The following CTIF variants were observed in gnomAD, a reference collection of about 807,000 sequenced individuals.
The protein encoded by CTIF is CBP80/20-dependent translation initiation factor.
A neutral mutation model predicts 66.0 loss-of-function variants in CTIF; 21 were observed. The ratio of observed to expected loss-of-function variants is 0.32; its 90% CI spans 0.23 to 0.46. The LOEUF is 0.46. Ranked by LOEUF, CTIF falls within the 20% of genes least tolerant of loss-of-function variation. The pLI, the probability that CTIF is intolerant of heterozygous loss-of-function variation, is 1.00. For synonymous variants in CTIF, 345 were observed against 326.4 expected (o/e 1.06, Z -0.62); for missense variants, 739 against 812.7 (o/e 0.91, Z 1.10).
At chr18:48,789,171 G>T (rs908591498) in intron 9 of CTIF, among the ~76,000 whole-genome samples, 2 of 152,136 alleles carry the variant, frequency 1.3e-5, no homozygotes, top group African/African-American at 2.4e-5. Flanking sequence ...TCACAGAGAA[G>T]CCTCAAATCA....
rs1187584448 is a variant in CTIF, at chr18:48,539,096, C to A, written c.-245C>A. The A allele has an allele frequency of 1.5e-5, 2 of 135,904 alleles. No homozygotes were observed. The highest frequency in any genetic ancestry group is 3.2e-5 in the Non-Finnish European group (2 of 62,966). 8.4% of individuals were successfully genotyped at this position (135,904 alleles called of 1,614,324 possible). A position where few individuals can be genotyped will look rare whatever the true frequency, so the allele number is the denominator to read the frequency against. Reference sequence around the variant, plus strand: ...ATTTTTTTTCCTTCCTCTACTCCCTCCCCCCTACCCGCCCCTCCCTCCCTG... The same window carrying A: ...ATTTTTTTTCCTTCCTCTACTCCCTACCCCCTACCCGCCCCTCCCTCCCTG... On this transcript the variant is annotated 5_prime_UTR_variant, in exon 1 of 12. Coordinates refer to ENST00000256413, the MANE Select transcript of CTIF (RefSeq NM_014772.3).
intron 9 of CTIF, among the ~76,000 whole-genome samples, chr18:48,788,429 T>A (rs2146112308): frequency 6.6e-6 from 1 of 152,278 alleles, no homozygotes; most frequent in East Asian, 1.9e-4. Flanking sequence ...CTTGGTTTCC[T>A]CACCTGTAAA....
At chr18:48,594,979 G>A (rs968763182) in intron 1 of CTIF, among the ~76,000 whole-genome samples, 4 of 152,230 alleles carry the variant, frequency 2.6e-5, no homozygotes, top group African/African-American at 7.2e-5. Flanking sequence ...CTGCCAAGAG[G>A]GAGGTGGCCG....
chr18:48,819,378 C>G (rs1019269480), intron 10 of CTIF, among the ~76,000 whole-genome samples: 3 of 152,220 alleles, frequency 2.0e-5, no homozygotes, highest in African/African-American at 2.4e-5. Context: ...CAACCCACCT[C>G]GAGACAGGGA....
intron 9 of CTIF, among the ~76,000 whole-genome samples, chr18:48,762,314 A>G (rs1909086238): frequency 6.6e-6 from 1 of 152,148 alleles, no homozygotes; most frequent in South Asian, 2.1e-4. Flanking sequence ...ATGAAGGCCC[A>G]CGTCCAGTGG....
chr18:48,672,596 G>C (rs1447209558), intron 6 of CTIF, among the ~76,000 whole-genome samples: 1 of 152,114 alleles, frequency 6.6e-6, no homozygotes, highest in Non-Finnish European at 1.5e-5. Flanking sequence ...GGGCTTCCTA[G>C]AGACTTTCTT....
chr18:48,631,499 TC>T (rs949136977), intron 2 of CTIF, among the ~76,000 whole-genome samples: 19 of 151,230 alleles, frequency 1.3e-4, no homozygotes, highest in African/African-American at 4.3e-4. Flanking sequence ...ACACTCTTCA[TC>T]CTGGGATGTA....
intron 2 of CTIF, among the ~76,000 whole-genome samples, chr18:48,628,212 G>A (rs2090637361): frequency 6.6e-6 from 1 of 152,180 alleles, no homozygotes; most frequent in South Asian, 2.1e-4. Context: ...TCCCGTTTGG[G>A]CATGAAAGGT....
chr18:48,713,473 T>C (rs751002749), intron 7 of CTIF, among the ~76,000 whole-genome samples: 13 of 151,942 alleles, frequency 8.6e-5, no homozygotes, highest in Non-Finnish European at 1.9e-4. Context: ...GACCCAGGGA[T>C]GTAGGAAGAG....
chr18:48,592,780 C>T (rs911245901), intron 1 of CTIF, among the ~76,000 whole-genome samples: 24 of 152,258 alleles, frequency 1.6e-4, no homozygotes, highest in East Asian at 3.9e-4. Context: ...GGGGACTAAT[C>T]GCTCTCATCA....
chr18:48,546,995 G>A (rs575077183), intron 1 of CTIF, among the ~76,000 whole-genome samples: 176 of 152,334 alleles, frequency 1.2e-3, no homozygotes, highest in Middle Eastern at 6.8e-3. Flanking sequence ...CTGACTGTGA[G>A]CTCTAGGGCA....
At chr18:48,816,966 G>A (rs781362440) in intron 9 of CTIF, among the ~76,000 whole-genome samples, 9 of 152,212 alleles carry the variant, frequency 5.9e-5, no homozygotes, top group Non-Finnish European at 1.2e-4. Flanking sequence ...ATGACCAGCA[G>A]GTCTGGGCAA....
intron 7 of CTIF, among the ~76,000 whole-genome samples, chr18:48,730,819 G>A (rs1340103486): frequency 1.3e-5 from 2 of 149,504 alleles, no homozygotes; most frequent in South Asian, 2.1e-4. Flanking sequence ...CTCTGGCAGT[G>A]TGAGGGGCTT....
At chr18:48,858,266 C>T (rs921829196) in intron 11 of CTIF, among the ~76,000 whole-genome samples, 1 of 152,262 alleles carries the variant, frequency 6.6e-6, no homozygotes, top group Non-Finnish European at 1.5e-5. Flanking sequence ...GTGGCTTCCG[C>T]CTGGCTGCAA....
At chr18:48,696,816 G>C (rs903755815) in intron 6 of CTIF, among the ~76,000 whole-genome samples, 4 of 152,208 alleles carry the variant, frequency 2.6e-5, no homozygotes, top group Non-Finnish European at 4.4e-5. Flanking sequence ...TCAGAAGTGA[G>C]ACACTTGTTA....
chr18:48,652,512 A>T (rs1050293953), intron 3 of CTIF, among the ~76,000 whole-genome samples: 8 of 152,340 alleles, frequency 5.3e-5, no homozygotes, highest in Middle Eastern at 6.8e-3. Context: ...AACCAAAAAA[A>T]GTCCAGGGCC....
At position 48,664,605 on chromosome 18, in the gene CTIF, G is replaced by A. The variant is rs2091404367; in HGVS notation, c.431+54G>A. The A allele has an allele frequency of 4.3e-5, 64 of 1,497,074 alleles. No individual in the cohort carries two copies. The South Asian group carries it at 7.1e-4, about 17-fold the overall frequency. 92.7% of individuals were successfully genotyped at this position (1,497,074 alleles called of 1,614,324 possible). On this transcript the variant is annotated intron_variant, in intron 5 of 11. Transcript: ENST00000256413. Reference sequence around the variant, plus strand: ...GTGGGGTGGGGCAGGGGACGGGAGTGGCCTTTGCCTCCACAGGGAGGCTGC... The same window carrying A: ...GTGGGGTGGGGCAGGGGACGGGAGTAGCCTTTGCCTCCACAGGGAGGCTGC...
Position 48,761,762 on chromosome 18 carries a change from A to G in CTIF, c.1371+73A>G. The G allele has an allele frequency of 7.0e-7, 1 of 1,438,060 alleles. No homozygotes were observed. Among genetic ancestry groups the G allele is most frequent in the Non-Finnish European group, 9.5e-7 (1 of 1,052,590 alleles). The allele number at this position is 1,438,060 out of a possible 1,614,324, so 89.1% of individuals were successfully genotyped here. On this transcript the variant is annotated intron_variant, in intron 9 of 11. Coordinates refer to ENST00000256413, the MANE Select transcript of CTIF (RefSeq NM_014772.3). This position sits in a 1 kb window ranked among gnomAD's most constrained non-coding sequence, Gnocchi z 4.2. ...GTTCGGTGAGTTATTCCTAGCGAGA[A>G]GGCTGCGAGTTCTGGCCACAGTTGG...
At chr18:48,698,285 G>C (rs1255840611) in intron 6 of CTIF, among the ~76,000 whole-genome samples, 1 of 152,036 alleles carries the variant, frequency 6.6e-6, no homozygotes, top group Non-Finnish European at 1.5e-5. Flanking sequence ...CTGCCCTCCT[G>C]GAACCTGTCG....
Sources: allele counts gnomAD v4.1 joint callset (sites outside exome capture counted in the v4.1 genomes callset), GRCh38; gene constraint gnomAD v4.1.1; non-coding constraint Gnocchi (gnomAD v3.1); transcripts MANE v1.5; gene names NCBI Gene and HGNC (gene_info 2026-07-23, HGNC 2026-07-21).